ITGAX: variants seen among roughly 807,000 people sequenced by gnomAD.
ITGAX encodes integrin subunit alpha X, also known as integrin alpha-X.
Under a neutral mutation model 140.2 loss-of-function variants are expected in ITGAX, and 99 were observed. The ratio of observed to expected loss-of-function variants is 0.71; its 90% confidence interval spans 0.60 to 0.83. ITGAX has a LOEUF of 0.83. ITGAX is among the 40% of genes least tolerant of loss of function. The pLI is 0.00. For synonymous variants in ITGAX, 631 were observed against 600.4 expected, an observed-to-expected ratio of 1.05 and a Z score of -0.75; for missense variants, 1,444 against 1,482.0, an observed-to-expected ratio of 0.97 and a Z score of 0.42.
intron 5 of ITGAX, chr16:31,357,774 C>G (rs2080779471): frequency 2.4e-6 from 1 of 412,214 alleles, no homozygotes; most frequent in Non-Finnish European, 4.2e-6. Flanking sequence ...TGGTTTGTGC[C>G]GTAGTTTAGG....
chr16:31,372,676 CG>C lies in ITGAX; in HGVS notation c.2366+7del. The C allele has an allele frequency of 1.2e-6, 2 of 1,613,200 alleles. No individual in the cohort carries two copies. Among genetic ancestry groups the C allele is most frequent in the East Asian group, 4.5e-5 (2 of 44,856 alleles). On this transcript the variant is annotated splice_region_variant and intron_variant, in intron 19 of 29. Transcript: ENST00000268296. Reference sequence around the variant, plus strand: ...ATCTCCTTCAGCTTCCCAGGGTGAGCGCCCCCACCTTAGACCTGCCCTACTG... The same window carrying C: ...ATCTCCTTCAGCTTCCCAGGGTGAGCCCCCCACCTTAGACCTGCCCTACTG...
At chr16:31,369,874 C>T (rs1352351114) in intron 14 of ITGAX, 2 of 152,046 alleles carry the variant, frequency 1.3e-5, no homozygotes, top group Non-Finnish European at 1.5e-5. Context: ...CAGCCTCGAA[C>T]TCCTGGACTG....
intron 1 of ITGAX, 111 bp downstream of exon 1, chr16:31,355,402 C>A: frequency 8.4e-7 from 1 of 1,184,544 alleles, no homozygotes; most frequent in Non-Finnish European, 1.2e-6. Flanking sequence ...AAGAGAGACT[C>A]AGTCAAGCCT....
At position 31,357,152 on chromosome 16, in the gene ITGAX, G is replaced by A. The variant is rs554450360; in HGVS notation, c.318+51G>A. The A allele has an allele frequency of 7.5e-5, 118 of 1,567,794 alleles. 2 individuals carry two copies. In the South Asian group the frequency reaches 7.6e-4, roughly 10 times the overall value. Reference sequence around the variant, plus strand: ...CTTCTGAGGGAGGGAGGGAGGAGCCGGGGCCGCGGGGGGCTGGGAGTCTCC... The same window carrying A: ...CTTCTGAGGGAGGGAGGGAGGAGCCAGGGCCGCGGGGGGCTGGGAGTCTCC... On this transcript the variant is annotated intron_variant, in intron 4 of 29. Coordinates refer to ENST00000268296, the MANE Select transcript of ITGAX (RefSeq NM_000887.5).
intron 4 of ITGAX, 56 bp downstream of exon 4, chr16:31,357,157 C>G: frequency 6.4e-7 from 1 of 1,570,194 alleles, no homozygotes; most frequent in Non-Finnish European, 8.7e-7. Context: ...GAGCCGGGGC[C>G]GCGGGGGGCT....
chr16:31,357,600 A>T, intron 5 of ITGAX: 1 of 534,170 alleles, frequency 1.9e-6, no homozygotes, highest in Non-Finnish European at 3.3e-6. Context: ...CATCTGTTGG[A>T]TGGGGATAAT....
At chr16:31,367,267 G>A (rs1040178645) in intron 14 of ITGAX, among the ~76,000 whole-genome samples, 8 of 152,212 alleles carry the variant, frequency 5.3e-5, no homozygotes, top group Non-Finnish European at 8.8e-5. Context: ...TGGAGAAGGC[G>A]CAGCAAGTTC....
At chr16:31,375,042 G>C (rs1199555640) in intron 20 of ITGAX, among the ~76,000 whole-genome samples, 1 of 151,350 alleles carries the variant, frequency 6.6e-6, no homozygotes, top group Non-Finnish European at 1.5e-5. Context: ...CCTTGAGAGG[G>C]TCTTGCTCTG....
Position 31,379,965 on chromosome 16 carries a change from T to G in ITGAX, c.2977-17T>G, listed in dbSNP as rs368098311. The G allele has an allele frequency of 6.2e-7, 1 of 1,613,354 alleles. No individual in the cohort carries two copies. The highest frequency in any genetic ancestry group is 1.3e-5 in the African/African-American group (1 of 74,914). On this transcript the variant is annotated splice_polypyrimidine_tract_variant and intron_variant, in intron 25 of 29. Transcript: ENST00000268296. Reference sequence around the variant, plus strand: ...GATGTCCCAGCTGAGACACTTGTTCTCTGCATTTTCCCCCAGAACCCATCC... The same window carrying G: ...GATGTCCCAGCTGAGACACTTGTTCGCTGCATTTTCCCCCAGAACCCATCC...
chr16:31,379,468 C>A, intron 23 of ITGAX, 100 bp from the exon 24 acceptor site: 3 of 1,182,362 alleles, frequency 2.5e-6, no homozygotes, highest in Admixed American at 2.1e-5. Flanking sequence ...CCAGGACATT[C>A]CAAGGCCCCA....
At chr16:31,362,806 G>T in intron 12 of ITGAX, 53 bp downstream of exon 12, 1 of 1,610,874 alleles carries the variant, frequency 6.2e-7, no homozygotes, top group Non-Finnish European at 8.5e-7. Context: ...AGGTGGCTGG[G>T]GCAGAGGAGA....
intron 14 of ITGAX, among the ~76,000 whole-genome samples, chr16:31,366,814 C>T (rs1337521184): frequency 6.6e-6 from 1 of 152,168 alleles, no homozygotes. Flanking sequence ...CCACGTCTGG[C>T]CACATATCTC....
intron 20 of ITGAX, among the ~76,000 whole-genome samples, chr16:31,373,999 G>A (rs924383377): frequency 6.6e-6 from 1 of 152,204 alleles, no homozygotes; most frequent in Admixed American, 6.5e-5. Flanking sequence ...AAACAAAGAT[G>A]TTATTATGGC....
intron 5 of ITGAX, among the ~76,000 whole-genome samples, chr16:31,358,851 T>G (rs1018475103): frequency 3.3e-5 from 5 of 149,440 alleles, no homozygotes; most frequent in Non-Finnish European, 5.9e-5. Flanking sequence ...ATAGTCTTAC[T>G]CTGTCACTGA....
rs1204602829 is a variant in ITGAX, at chr16:31,371,483, A to C, written c.1991A>C (p.Asn664Thr). ...CTTTACATTGACAAACGTTCTAAGA[A>C]CCTGCTTGGGAGCCGTGAGTCCCCT... ...ICLYIDKRSK[N>T]LLGSRDLQSS... Residue 664 changes from asparagine to threonine, a missense_variant, in exon 16 of 30, where the codon AAC becomes ACC. Physicochemically the swap from Asn to Thr is moderately conservative, Grantham distance 65 (BLOSUM62 0). Transcript: ENST00000268296. 1 of 1,613,788 alleles carries C rather than the reference A, an allele frequency of 6.2e-7. No homozygotes were observed. The highest frequency in any genetic ancestry group is 1.3e-5 in the African/African-American group (1 of 74,876).
rs751547532 is a variant in ITGAX at position 31,361,919 on chromosome 16, G to T, written c.1086+10G>T. ...CGCTGTGTTCACACCTGTGAGTGGG[G>T]CCCCTTAGGCCGATGATGTGCCGTG... is the stretch of plus-strand genomic sequence containing the variant. On this transcript the variant is annotated intron_variant, in intron 10 of 29. Transcript: ENST00000268296. 6 of 1,613,834 alleles carry T rather than the reference G, an allele frequency of 3.7e-6. No homozygotes were observed. In the East Asian group the frequency reaches 8.9e-5, roughly 24 times the overall value.
At position 31,356,476 on chromosome 16, in the gene ITGAX, G is replaced by T; in HGVS notation, c.144-149G>T. On this transcript the variant is annotated intron_variant, in intron 2 of 29. Coordinates refer to ENST00000268296, the MANE Select transcript of ITGAX (RefSeq NM_000887.5). ...CATACGCCAGAGAATCCAACAGACA[G>T]AAATCCCTTCCACATGGACTTTAAA... 5.0e-6 allele frequency: 3 copies of T among 602,184 alleles called. No individual in the cohort carries two copies. The South Asian group carries it at 5.7e-5, about 11-fold the overall frequency. The allele number at this position is 602,184 out of a possible 1,614,324, so 37.3% of individuals were successfully genotyped here.
intron 19 of ITGAX, among the ~76,000 whole-genome samples, 170 bp downstream of exon 19, chr16:31,372,840 G>A (rs953170099): frequency 2.6e-5 from 4 of 152,200 alleles, no homozygotes; most frequent in South Asian, 2.1e-4. Context: ...GGAGGCCGAG[G>A]TGGGAGGATC....
chr16:31,379,877 T>G lies in ITGAX; in HGVS notation c.2976+13T>G, dbSNP rs1465036303. The G allele has an allele frequency of 6.2e-7, 1 of 1,612,800 alleles. No individual in the cohort carries two copies. The highest frequency in any genetic ancestry group is 2.2e-5 in the East Asian group (1 of 44,864). ...CTCCCACCCCCAGGTACCCAAGGAC[T>G]GCATGTGGCTCCTCCACGAATGCCC... On this transcript the variant is annotated intron_variant, in intron 25 of 29. Transcript: ENST00000268296.
Sources: allele counts gnomAD v4.1 joint callset (sites outside exome capture counted in the v4.1 genomes callset), GRCh38; gene constraint gnomAD v4.1.1; transcripts MANE v1.5; gene names NCBI Gene and HGNC (gene_info 2026-07-23, HGNC 2026-07-21).